CADPS2: variants seen among roughly 807,000 people sequenced by gnomAD.
The protein encoded by CADPS2 is calcium dependent secretion activator 2, also known as calcium-dependent secretion activator 2.
In CADPS2, 93 loss-of-function variants were observed where a neutral mutation model predicts 172.5. That is an observed-to-expected ratio of 0.54 (90% CI 0.46 to 0.64). The LOEUF is 0.64. Among genes scored for constraint, CADPS2 ranks in the 30% least tolerant of loss-of-function variants. The probability of loss-of-function intolerance (pLI) is 0.00; values close to 1 mark genes in which losing one functional copy is unlikely to be tolerated. For missense variants in CADPS2, 1,420 were observed against 1,565.9 expected (o/e 0.91, Z 1.57); for synonymous variants, 546 against 555.2 (o/e 0.98, Z 0.23).
At chr7:122,477,056 G>A (rs897719595) in intron 12 of CADPS2, among the ~76,000 whole-genome samples, 2 of 74,010 alleles carry the variant, frequency 2.7e-5, no homozygotes, top group African/African-American at 6.7e-5. Context: ...AGAGAGAAGA[G>A]AGAGAGAGAG....
intron 12 of CADPS2, among the ~76,000 whole-genome samples, chr7:122,477,046 AGAGAGAAG>A (rs2056745161): frequency 4.6e-5 from 3 of 65,928 alleles, no homozygotes; most frequent in East Asian, 6.1e-4. Flanking sequence ...AGGAGAGGAG[AGAGAGAAG>A]AGAGAGAGAG....
intron 1 of CADPS2, among the ~76,000 whole-genome samples, chr7:122,743,250 C>T (rs932344667): frequency 5.9e-5 from 9 of 152,108 alleles, no homozygotes; most frequent in African/African-American, 2.2e-4. Context: ...ATACTTCATC[C>T]ACAATAATAA....
chr7:122,431,525 A>G (rs2049905295), intron 17 of CADPS2, among the ~76,000 whole-genome samples: 1 of 152,206 alleles, frequency 6.6e-6, no homozygotes, highest in South Asian at 2.1e-4. Context: ...ATTTTAGCCC[A>G]GTGCAAATTT....
chr7:122,623,947 A>G (rs2075838361), intron 4 of CADPS2, among the ~76,000 whole-genome samples: 3 of 152,192 alleles, frequency 2.0e-5, no homozygotes, highest in Admixed American at 2.0e-4. Flanking sequence ...AGCTTTAACT[A>G]TAAACACTTC....
At chr7:122,425,362 T>C (rs1009481650) in intron 17 of CADPS2, among the ~76,000 whole-genome samples, 1 of 134,956 alleles carries the variant, frequency 7.4e-6, no homozygotes, top group Non-Finnish European at 1.5e-5. Flanking sequence ...CTGAGGTGGG[T>C]GGATTGCTTG....
chr7:122,829,109 T>C lies in CADPS2; in HGVS notation c.339+56890A>G, dbSNP rs1805760613. Among the ~76,000 whole-genome samples the C allele has an allele frequency of 3.3e-5, 5 of 152,204 alleles. No individual in the cohort carries two copies. The East Asian group carries it at 9.6e-4, about 29-fold the overall frequency. On this transcript the variant is annotated intron_variant, in intron 1 of 29. Transcript: ENST00000449022. The stretch of plus-strand genomic sequence containing the variant: ...AAATCAGATACCAAAAATATGATGA[T>C]GTTATTCTGTTTTTCCTTAAGAAGG...
intron 20 of CADPS2, among the ~76,000 whole-genome samples, chr7:122,405,233 T>C (rs891032963): frequency 3.3e-5 from 5 of 152,244 alleles, no homozygotes; most frequent in African/African-American, 1.2e-4. Context: ...TTTACTGTTA[T>C]ACATTTGTCT....
intron 2 of CADPS2, chr7:122,698,093 G>A (rs2136190292): frequency 1.9e-6 from 3 of 1,613,986 alleles, no homozygotes; most frequent in East Asian, 2.2e-5. Flanking sequence ...TGGAAAAAAT[G>A]TTTACAAGTC....
intron 1 of CADPS2, among the ~76,000 whole-genome samples, chr7:122,830,032 A>G (rs1188511659): frequency 6.6e-6 from 1 of 151,712 alleles, no homozygotes; most frequent in Non-Finnish European, 1.5e-5. Context: ...AAAAAAAAAA[A>G]CAGTACAAGT....
chr7:122,341,142 T>A (rs527369517), intron 28 of CADPS2, among the ~76,000 whole-genome samples: 4 of 152,294 alleles, frequency 2.6e-5, no homozygotes, highest in Non-Finnish European at 5.9e-5. Flanking sequence ...TGCAACTTTT[T>A]AAAAAAATTT....
chr7:122,364,927 G>A (rs1398527012), intron 25 of CADPS2, among the ~76,000 whole-genome samples: 1 of 152,138 alleles, frequency 6.6e-6, no homozygotes, highest in Admixed American at 6.6e-5. Context: ...CAGTATAGCT[G>A]AAACCAGAAG....
chr7:122,475,702 T>A (rs1456951709), intron 12 of CADPS2, among the ~76,000 whole-genome samples: 1 of 152,164 alleles, frequency 6.6e-6, no homozygotes, highest in Non-Finnish European at 1.5e-5. Flanking sequence ...AAGAACTACA[T>A]AATTCAAGCT....
At chr7:122,452,168 T>C (rs192143868) in intron 14 of CADPS2, among the ~76,000 whole-genome samples, 472 of 152,264 alleles carry the variant, frequency 3.1e-3, no homozygotes, top group Non-Finnish European at 4.1e-3. Context: ...AAATGTAAAA[T>C]ATATCAAATA....
At chr7:122,587,975 C>A (rs544470488) in intron 6 of CADPS2, among the ~76,000 whole-genome samples, 2 of 151,942 alleles carry the variant, frequency 1.3e-5, no homozygotes, top group East Asian at 1.9e-4. Flanking sequence ...TGATGCTGAG[C>A]TTTTCTCATG....
rs73719718 is a variant in CADPS2, at chr7:122,606,973, C to T, written c.1223+8208G>A. 3.9e-3 allele frequency among the ~76,000 whole-genome samples: 591 copies of T among 152,144 alleles called. 5 individuals are homozygous for T. Among genetic ancestry groups the T allele is most frequent in the African/African-American group, 0.014 (564 of 41,516 alleles). ...AGTGGGAGAACTGCTAAGAATTCATCGGAGAAGAGTTACATGTGGACACCT... is the reference window on the plus strand; with the variant it reads ...AGTGGGAGAACTGCTAAGAATTCATTGGAGAAGAGTTACATGTGGACACCT... On this transcript the variant is annotated intron_variant, in intron 6 of 29. Transcript: ENST00000449022.
chr7:122,336,134 G>A (rs1188047747), intron 28 of CADPS2, among the ~76,000 whole-genome samples: 1 of 152,172 alleles, frequency 6.6e-6, no homozygotes, highest in Non-Finnish European at 1.5e-5. Context: ...ATAGTTTCCT[G>A]CCAATGCATT....
At chr7:122,496,534 T>A (rs1319498311) in intron 9 of CADPS2, among the ~76,000 whole-genome samples, 1 of 152,208 alleles carries the variant, frequency 6.6e-6, no homozygotes, top group East Asian at 1.9e-4. Context: ...CATTTATGTT[T>A]ATTCTAAGTT....
At chr7:122,495,125 A>C (rs1358752805) in intron 9 of CADPS2, among the ~76,000 whole-genome samples, 1 of 152,210 alleles carries the variant, frequency 6.6e-6, no homozygotes, top group African/African-American at 2.4e-5. Context: ...GCATTATCTT[A>C]AAATATTATG....
chr7:122,678,153 C>T (rs1319728381), intron 2 of CADPS2, among the ~76,000 whole-genome samples: 1 of 151,988 alleles, frequency 6.6e-6, no homozygotes, highest in Non-Finnish European at 1.5e-5. Flanking sequence ...CTGTGCTGAC[C>T]AGTGTGGGAT....
Sources: allele counts gnomAD v4.1 joint callset (sites outside exome capture counted in the v4.1 genomes callset), GRCh38; gene constraint gnomAD v4.1.1; transcripts MANE v1.5; gene names NCBI Gene and HGNC (gene_info 2026-07-23, HGNC 2026-07-21).